WNT16: variants seen among roughly 807,000 people sequenced by gnomAD.
WNT16 encodes Wnt family member 16.
Under a neutral mutation model 35.4 loss-of-function variants are expected in WNT16, and 20 were observed. The observed-to-expected ratio is 0.56, with a 90% CI of 0.40 to 0.82. The LOEUF (loss-of-function observed/expected upper bound fraction) is 0.82. Among genes scored for constraint, WNT16 ranks in the 40% least tolerant of loss-of-function variants. WNT16 has a pLI of 0.00. For synonymous variants in WNT16, 180 were observed against 179.2 expected, an observed-to-expected ratio of 1.00 and a Z score of -0.03; for missense variants, 461 against 466.0, an observed-to-expected ratio of 0.99 and a Z score of 0.10.
At chr7:121,333,671 A>C (rs977975045) in intron 3 of WNT16, among the ~76,000 whole-genome samples, 4 of 151,966 alleles carry the variant, frequency 2.6e-5, no homozygotes, top group African/African-American at 9.7e-5. Context: ...TGTTCTTAAA[A>C]CTCTAGAGTT....
chr7:121,338,840 C>T, intron 3 of WNT16, 41 bp from the exon 4 acceptor site: 1 of 1,557,716 alleles, frequency 6.4e-7, no homozygotes, highest in South Asian at 1.2e-5. Context: ...GAGTAAAACA[C>T]TTTATGATTG....
intron 2 of WNT16, among the ~76,000 whole-genome samples, 162 bp from the exon 3 acceptor site, chr7:121,331,516 G>A (rs746132075): frequency 6.6e-6 from 1 of 151,696 alleles, no homozygotes; most frequent in Non-Finnish European, 1.5e-5. Flanking sequence ...TAAGAGACTA[G>A]AACAAGAGCA....
rs1000064365 is a variant in WNT16 at position 121,329,914 on chromosome 7, A to G, written c.346+97A>G. The G allele has an allele frequency of 3.0e-5, 43 of 1,444,596 alleles. 1 individual carries two copies. The highest frequency in any genetic ancestry group is 3.7e-5 in the Non-Finnish European group (40 of 1,084,850). 89.5% of individuals were successfully genotyped at this position (1,444,596 alleles called of 1,614,324 possible). On this transcript the variant is annotated intron_variant, in intron 2 of 3. Transcript: ENST00000222462. ...AGTAAATAGTGCTACGTGGTCCTGT[A>G]GCTCTCTAAGTTCCAGAAGAAGCCC...
Position 121,339,469 on chromosome 7 carries a change from G to C in WNT16, c.*124G>C. 1.1e-5 allele frequency: 9 copies of C among 815,914 alleles called. No individual in the cohort carries two copies. Among genetic ancestry groups the C allele is most frequent in the Non-Finnish European group, 1.7e-5 (9 of 544,660 alleles). 50.5% of individuals were successfully genotyped at this position (815,914 alleles called of 1,614,324 possible). On this transcript the variant is annotated 3_prime_UTR_variant, in exon 4 of 4. Transcript: ENST00000222462. ...TTGCAGTGGAATCCCTAGAACCTTG[G>C]ACCTGAGAGTTTCCCTTACCTGATC...
chr7:121,326,489 C>T (rs1238244123), upstream of WNT16, among the ~76,000 whole-genome samples: 2 of 152,172 alleles, frequency 1.3e-5, no homozygotes, highest in Non-Finnish European at 2.9e-5. Flanking sequence ...ACTCTCAGGA[C>T]AGAATACCCT....
upstream of WNT16, among the ~76,000 whole-genome samples, chr7:121,325,734 G>A (rs2536193): frequency 0.034 from 5,157 of 151,972 alleles, 318 homozygotes; most frequent in African/African-American, 0.12. Context: ...GCAGAAGTAT[G>A]TTGTAGTGAA....
In WNT16 at chr7:121,329,793, C is replaced by G. The variant is rs751025295; in HGVS notation, c.322C>G (p.Leu108Val). The G allele has an allele frequency of 3.7e-6, 6 of 1,605,448 alleles. No homozygotes were observed. The highest frequency in any genetic ancestry group is 2.7e-5 in the African/African-American group (2 of 74,940). Residue 108 changes from leucine (L) to valine (V), a missense_variant, in exon 2 of 4, where the codon CTC becomes GTC. Transcript: ENST00000222462. Reference protein sequence around the residue: ...ATTAPMGASPLFGYELSSGTK... With the variant: ...ATTAPMGASPVFGYELSSGTK... Reference sequence around the variant, plus strand: ...TACCGCCCCGATGGGCGCCAGCCCCCTCTTTGGCTACGAGCTGAGCAGCGG... The same window carrying G: ...TACCGCCCCGATGGGCGCCAGCCCCGTCTTTGGCTACGAGCTGAGCAGCGG...
Position 121,340,099 on chromosome 7 carries a change from C to T in WNT16, c.*754C>T, listed in dbSNP as rs982280270. Reference sequence around the variant, plus strand: ...TATAGCAATCTTTGATCTTTAGATTCATACTTTTATCACAGATCAGTTTCA... The same window carrying T: ...TATAGCAATCTTTGATCTTTAGATTTATACTTTTATCACAGATCAGTTTCA... On this transcript the variant is annotated 3_prime_UTR_variant, in exon 4 of 4. Transcript: ENST00000222462. The T allele has an allele frequency of 2.6e-5, 4 of 152,164 alleles. No homozygotes were observed. Among genetic ancestry groups the T allele is most frequent in the African/African-American group, 7.2e-5 (3 of 41,440 alleles). 9.4% of individuals were successfully genotyped at this position (152,164 alleles called of 1,614,324 possible).
At chr7:121,329,421 G>A (rs1793300665) in intron 1 of WNT16, 34 bp downstream of exon 1, 4 of 1,602,070 alleles carry the variant, frequency 2.5e-6, no homozygotes, top group Non-Finnish European at 3.4e-6. Context: ...GCATCGGGTA[G>A]GTGGCAAAAG....
chr7:121,334,153 T>A (rs1793397896), intron 3 of WNT16, among the ~76,000 whole-genome samples: 1 of 152,100 alleles, frequency 6.6e-6, no homozygotes, highest in African/African-American at 2.4e-5. Context: ...TGAAAACAAT[T>A]CAATTTATGC....
At chr7:121,326,081 G>C (rs1168871609), upstream of WNT16, among the ~76,000 whole-genome samples, 1 of 143,560 alleles carries the variant, frequency 7.0e-6, no homozygotes. Flanking sequence ...GGCCTCTAAA[G>C]GTTGATTGTT....
At chr7:121,328,508 TAA>T (rs1450088575), upstream of WNT16, among the ~76,000 whole-genome samples, 3 of 152,206 alleles carry the variant, frequency 2.0e-5, no homozygotes, top group African/African-American at 4.8e-5. Context: ...ACCCACTCTC[TAA>T]AGTCTCCTGA....
At chr7:121,334,138 TA>T (rs1177453854) in intron 3 of WNT16, among the ~76,000 whole-genome samples, 1 of 152,094 alleles carries the variant, frequency 6.6e-6, no homozygotes, top group Non-Finnish European at 1.5e-5. Context: ...TTATTCTAAC[TA>T]GCTTGAAAAC....
chr7:121,336,672 T>A (rs1793450878), intron 3 of WNT16, among the ~76,000 whole-genome samples: 1 of 152,156 alleles, frequency 6.6e-6, no homozygotes, highest in Non-Finnish European at 1.5e-5. Context: ...TTTTTATTAC[T>A]CCCTCTTGAT....
In WNT16 at chr7:121,339,270, G is replaced by A. The variant is rs761238720; in HGVS notation, c.1023G>A (p.Glu341=). ...TGGTCAGGCACGTGGAGAGGTGTGAGTGTAAGTTCATCTGGTGCTGCTATG... is the reference window on the plus strand; with the variant it reads ...TGGTCAGGCACGTGGAGAGGTGTGAATGTAAGTTCATCTGGTGCTGCTATG... ...THVVRHVERC[E]CKFIWCCYVR... The change falls in exon 4 of 4, where the codon GAG becomes GAA. Residue 341 remains glutamate, a synonymous_variant. Transcript: ENST00000222462. 1.2e-6 allele frequency: 2 copies of A among 1,614,056 alleles called. No homozygotes were observed. Among genetic ancestry groups the A allele is most frequent in the African/African-American group, 2.7e-5 (2 of 74,932 alleles).
At chr7:121,326,323 C>T (rs1477433276), upstream of WNT16, among the ~76,000 whole-genome samples, 1 of 152,202 alleles carries the variant, frequency 6.6e-6, no homozygotes, top group Non-Finnish European at 1.5e-5. Flanking sequence ...AAATCTGCTT[C>T]CTCAGCTGGG....
upstream of WNT16, chr7:121,325,400 A>G (rs769990852): frequency 2.7e-5 from 43 of 1,600,266 alleles, no homozygotes; most frequent in Non-Finnish European, 3.6e-5. Flanking sequence ...AAAGCCAGAA[A>G]GATGGAAAGG....
intron 3 of WNT16, among the ~76,000 whole-genome samples, chr7:121,336,462 T>G (rs923243038): frequency 2.6e-5 from 4 of 152,156 alleles, no homozygotes; most frequent in Non-Finnish European, 5.9e-5. Flanking sequence ...TTCTATAATT[T>G]CAATACAAAT....
At chr7:121,331,099 A>C (rs1364367421) in intron 2 of WNT16, among the ~76,000 whole-genome samples, 3 of 152,220 alleles carry the variant, frequency 2.0e-5, no homozygotes, top group Non-Finnish European at 4.4e-5. Context: ...TAACTGTTTC[A>C]TGTTAATGTG....
Sources: gnomAD v4.1 joint callset for allele counts (sites outside exome capture counted in the v4.1 genomes callset) on GRCh38, gnomAD v4.1.1 for gene constraint, MANE v1.5 for transcripts, NCBI Gene and HGNC (gene_info 2026-07-23, HGNC 2026-07-21) for gene names.